Variants in SLC9A9 observed in about 807,000 individuals in gnomAD.
SLC9A9 encodes the protein solute carrier family 9 member A9.
SLC9A9 carries 62 observed loss-of-function variants against 77.8 expected under a neutral mutation model. That is an observed-to-expected ratio of 0.80 (90% confidence interval 0.65 to 0.98). The LOEUF (loss-of-function observed/expected upper bound fraction) is 0.98, where lower values mean the gene tolerates loss of function less well. Ranked by LOEUF, SLC9A9 falls within the 50% of genes least tolerant of loss-of-function variation. SLC9A9 has a pLI of 0.00. For synonymous variants in SLC9A9, 320 were observed against 283.5 expected, an observed-to-expected ratio of 1.13 and a Z score of -1.29; for missense variants, 775 against 774.9, an observed-to-expected ratio of 1.00 and a Z score of 0.00.
At chr3:143,384,253 GGT>G (rs1660587537) in intron 12 of SLC9A9, among the ~76,000 whole-genome samples, 2 of 152,156 alleles carry the variant, frequency 1.3e-5, no homozygotes, top group African/African-American at 4.8e-5. Flanking sequence ...GTGGGACCCA[GGT>G]GTGGAGGCTC....
chr3:143,520,129 G>C (rs2036270821), intron 9 of SLC9A9, among the ~76,000 whole-genome samples: 1 of 152,180 alleles, frequency 6.6e-6, no homozygotes, highest in South Asian at 2.1e-4. Context: ...GAAAACAGAA[G>C]TCATCCAAGG....
At chr3:143,718,927 C>T (rs752580632) in intron 4 of SLC9A9, among the ~76,000 whole-genome samples, 1 of 152,212 alleles carries the variant, frequency 6.6e-6, no homozygotes, top group African/African-American at 2.4e-5. Context: ...TCTAGGACGA[C>T]TTAGCCCCTC....
rs375617083 is a variant in SLC9A9, at chr3:143,417,524, T to TGGAG, written c.1470-35414_1470-35411dup. ...GGGAGGAGGGGGAGAAAGGGATGGA[T>TGGAG]GGAGGGAAAAAGGGATGGATGGAGG... On this transcript the variant is annotated intron_variant, in intron 12 of 15. Coordinates refer to ENST00000316549, the MANE Select transcript of SLC9A9 (RefSeq NM_173653.4). Among the ~76,000 whole-genome samples the TGGAG allele has an allele frequency of 1.4e-3, 175 of 121,890 alleles. 2 individuals carry two copies. The highest frequency in any genetic ancestry group is 5.3e-3 in the African/African-American group (167 of 31,426). The allele number at this position is 121,890 out of a possible 152,430, so 80.0% of individuals were successfully genotyped here. A position where few individuals can be genotyped will look rare whatever the true frequency, so the allele number is the denominator to read the frequency against.
At chr3:143,793,129 G>A (rs575460293) in intron 4 of SLC9A9, among the ~76,000 whole-genome samples, 2 of 152,206 alleles carry the variant, frequency 1.3e-5, no homozygotes, top group African/African-American at 4.8e-5. Flanking sequence ...ATTATAAGTT[G>A]TTGGACAACC....
At chr3:143,724,456 A>G (rs1432161302) in intron 4 of SLC9A9, among the ~76,000 whole-genome samples, 2 of 152,192 alleles carry the variant, frequency 1.3e-5, no homozygotes, top group Admixed American at 6.5e-5. Flanking sequence ...GGACTAACAC[A>G]CATGTCTTCA....
At chr3:143,759,378 G>C (rs1029272900) in intron 4 of SLC9A9, among the ~76,000 whole-genome samples, 1 of 151,498 alleles carries the variant, frequency 6.6e-6, no homozygotes, top group Non-Finnish European at 1.5e-5. Context: ...AGAAATAACC[G>C]GTCAGTCAGT....
At chr3:143,364,649 A>T (rs1333809432) in intron 13 of SLC9A9, among the ~76,000 whole-genome samples, 2 of 152,212 alleles carry the variant, frequency 1.3e-5, no homozygotes, top group African/African-American at 4.8e-5. Flanking sequence ...TGTTCTACCC[A>T]TGAAACGTAT....
chr3:143,345,486 G>T (rs1467364019), intron 14 of SLC9A9, among the ~76,000 whole-genome samples: 1 of 152,188 alleles, frequency 6.6e-6, no homozygotes, highest in African/African-American at 2.4e-5. Context: ...TAGCAATATG[G>T]TGGTCATTGC....
chr3:143,366,383 A>G (rs1286455319), intron 13 of SLC9A9, among the ~76,000 whole-genome samples: 3 of 152,240 alleles, frequency 2.0e-5, no homozygotes, highest in Non-Finnish European at 4.4e-5. Flanking sequence ...AAGTCACACC[A>G]CTAGAAGGTA....
At chr3:143,821,077 C>T (rs1234006065) in intron 2 of SLC9A9, among the ~76,000 whole-genome samples, 2 of 152,116 alleles carry the variant, frequency 1.3e-5, no homozygotes, top group African/African-American at 4.8e-5. Context: ...CTTGAGGGGA[C>T]TGGGGTGAGC....
At chr3:143,544,816 C>T (rs973554918) in intron 9 of SLC9A9, among the ~76,000 whole-genome samples, 3 of 152,118 alleles carry the variant, frequency 2.0e-5, no homozygotes, top group African/African-American at 7.2e-5. Flanking sequence ...ACATTTAAGT[C>T]TTTAATCCAT....
At chr3:143,666,942 A>G (rs2039079436) in intron 5 of SLC9A9, among the ~76,000 whole-genome samples, 1 of 152,238 alleles carries the variant, frequency 6.6e-6, no homozygotes, top group Non-Finnish European at 1.5e-5. Flanking sequence ...ATCCCCATCA[A>G]GCTACCAATG....
chr3:143,795,954 A>G (rs2008373747), intron 3 of SLC9A9, among the ~76,000 whole-genome samples: 1 of 108,046 alleles, frequency 9.3e-6, no homozygotes. Context: ...CCTGGAGTAC[A>G]CACAAGAAAA....
intron 6 of SLC9A9, among the ~76,000 whole-genome samples, chr3:143,638,045 A>G (rs958020967): frequency 6.6e-6 from 1 of 152,238 alleles, no homozygotes; most frequent in African/African-American, 2.4e-5. Flanking sequence ...ACAATAAACA[A>G]TATCTGAAAA....
At chr3:143,519,837 C>G (rs968586422) in intron 9 of SLC9A9, among the ~76,000 whole-genome samples, 9 of 152,168 alleles carry the variant, frequency 5.9e-5, no homozygotes, top group Non-Finnish European at 8.8e-5. Context: ...AATAAGACAT[C>G]TGCATTTTTG....
chr3:143,674,605 G>C (rs1363474963), intron 5 of SLC9A9, among the ~76,000 whole-genome samples: 1 of 152,060 alleles, frequency 6.6e-6, no homozygotes, highest in Non-Finnish European at 1.5e-5. Flanking sequence ...TTGGGCAAGG[G>C]AGACAAACAA....
At chr3:143,679,485 G>C (rs536598226) in intron 5 of SLC9A9, among the ~76,000 whole-genome samples, 1 of 152,278 alleles carries the variant, frequency 6.6e-6, no homozygotes, top group Non-Finnish European at 1.5e-5. Flanking sequence ...ACAATTACCT[G>C]CAGTTGGGGG....
chr3:143,402,630 A>G (rs1276201202), intron 12 of SLC9A9, among the ~76,000 whole-genome samples: 4 of 151,816 alleles, frequency 2.6e-5, no homozygotes, highest in South Asian at 4.2e-4. Context: ...TCATCTCTCC[A>G]TATGTCATAA....
intron 9 of SLC9A9, among the ~76,000 whole-genome samples, chr3:143,530,391 T>G (rs1032061736): frequency 3.3e-5 from 5 of 152,134 alleles, no homozygotes; most frequent in African/African-American, 1.2e-4. Flanking sequence ...CCCTTTCGCT[T>G]GGCTATCATT....
Sources: allele counts gnomAD v4.1 joint callset (sites outside exome capture counted in the v4.1 genomes callset), GRCh38; gene constraint gnomAD v4.1.1; transcripts MANE v1.5; gene names NCBI Gene and HGNC (gene_info 2026-07-23, HGNC 2026-07-21).